Variants in AFAP1L1 observed in about 807,000 individuals in gnomAD.
AFAP1L1 encodes the protein actin filament associated protein 1 like 1.
In AFAP1L1, 77 loss-of-function variants were observed where a neutral mutation model predicts 99.8. The observed-to-expected ratio is 0.77, with a 90% CI of 0.64 to 0.93. AFAP1L1 has a LOEUF of 0.93. AFAP1L1 is among the 40% of genes least tolerant of loss of function. The probability of loss-of-function intolerance (pLI) is 0.00; values close to 1 mark genes in which losing one functional copy is unlikely to be tolerated. For missense variants in AFAP1L1, 893 were observed against 996.8 expected (o/e 0.90, Z 1.40); for synonymous variants, 373 against 395.3 (o/e 0.94, Z 0.67).
intron 1 of AFAP1L1, among the ~76,000 whole-genome samples, chr5:149,296,846 T>A (rs1251059642): frequency 6.6e-6 from 1 of 152,166 alleles, no homozygotes; most frequent in Non-Finnish European, 1.5e-5. Context: ...TGGGGAGGCC[T>A]CAGGAAACTT....
chr5:149,294,258 A>G lies in AFAP1L1; in HGVS notation c.17-5251A>G, dbSNP rs143848205. ...GACTTTCTGGATAGGAGGTCTGGGA[A>G]TGTGCATTTCCAACAATCCCGCTGG... On this transcript the variant is annotated intron_variant, in intron 1 of 18. Coordinates refer to ENST00000296721, the MANE Select transcript of AFAP1L1 (RefSeq NM_152406.4). Among the ~76,000 whole-genome samples the G allele has an allele frequency of 1.5e-3, 236 of 152,262 alleles. 1 individual carries two copies. Among genetic ancestry groups the G allele is most frequent in the African/African-American group, 5.5e-3 (228 of 41,552 alleles).
At position 149,320,335 on chromosome 5, in the gene AFAP1L1, G is replaced by A. The variant is rs1756915676; in HGVS notation, c.1626-56G>A. ...ATGAGAGTGAGGACACGAAAGCACTGTAAGCTGCAAAGCATCATTGTCATT... is the reference window on the plus strand; with the variant it reads ...ATGAGAGTGAGGACACGAAAGCACTATAAGCTGCAAAGCATCATTGTCATT... On this transcript the variant is annotated intron_variant, in intron 13 of 18. Coordinates refer to ENST00000296721, the MANE Select transcript of AFAP1L1 (RefSeq NM_152406.4). The surrounding 1 kb of genome is among the most constrained non-coding windows in gnomAD (Gnocchi z 4.0). 1.3e-6 allele frequency: 2 copies of A among 1,562,172 alleles called. No individual in the cohort carries two copies. Among genetic ancestry groups the A allele is most frequent in the Middle Eastern group, 1.7e-4 (1 of 5,948 alleles).
rs1200039630 is a variant in AFAP1L1 at position 149,320,245 on chromosome 5, A to G, written c.1626-146A>G. The G allele has an allele frequency of 5.4e-6, 4 of 739,486 alleles. No individual in the cohort carries two copies. Among genetic ancestry groups the G allele is most frequent in the Non-Finnish European group, 6.9e-6 (3 of 434,732 alleles). The allele number at this position is 739,486 out of a possible 1,614,324, so 45.8% of individuals were successfully genotyped here. On this transcript the variant is annotated intron_variant, in intron 13 of 18. Coordinates refer to ENST00000296721, the MANE Select transcript of AFAP1L1 (RefSeq NM_152406.4). The surrounding 1 kb of genome is among the most constrained non-coding windows in gnomAD (Gnocchi z 4.0). Reference sequence around the variant, plus strand: ...GACGCCCTAACACAGCCCATGACACAATGCTGCCTGCCATCTTGCTTTTAC... The same window carrying G: ...GACGCCCTAACACAGCCCATGACACGATGCTGCCTGCCATCTTGCTTTTAC...
chr5:149,305,553 C>G (rs1222082805), intron 5 of AFAP1L1, among the ~76,000 whole-genome samples: 1 of 152,184 alleles, frequency 6.6e-6, no homozygotes, highest in Non-Finnish European at 1.5e-5. Context: ...CAGGGGTCTG[C>G]ATTTTCAGAC....
rs115136122 is a variant in AFAP1L1, at chr5:149,278,249, G to A, written c.16+6265G>A. On this transcript the variant is annotated intron_variant, in intron 1 of 18. Transcript: ENST00000296721. ...CAGCATTTTCCTCCTTCCTTTCCTG[G>A]CCAAACTTCTCAAATGGTCAGCAAC... 9.8e-3 allele frequency among the ~76,000 whole-genome samples: 1,484 copies of A among 151,992 alleles called. 23 individuals carry two copies. Among genetic ancestry groups the A allele is most frequent in the African/African-American group, 0.034 (1,407 of 41,434 alleles).
rs146338664 is a variant in AFAP1L1 at position 149,331,780 on chromosome 5, G to A, written c.1976-915G>A. Among the ~76,000 whole-genome samples the A allele has an allele frequency of 1.6e-3, 247 of 152,290 alleles. 1 individual carries two copies. The highest frequency in any genetic ancestry group is 6.8e-3 in the Middle Eastern group (2 of 294). ...TTGGAAAATTGAGCGATCTGGTGTA[G>A]TGGGGTCCAGGGACTTAAATGATGT... On this transcript the variant is annotated intron_variant, in intron 16 of 18. Coordinates refer to ENST00000296721, the MANE Select transcript of AFAP1L1 (RefSeq NM_152406.4).
At chr5:149,333,870 A>G (rs1051738386) in intron 17 of AFAP1L1, among the ~76,000 whole-genome samples, 3 of 152,094 alleles carry the variant, frequency 2.0e-5, no homozygotes, top group African/African-American at 7.2e-5. Context: ...AGCTGCCTCT[A>G]TTATTCTTCC....
In AFAP1L1 at chr5:149,316,274, C is replaced by G. The variant is rs1561678134; in HGVS notation, c.1238C>G (p.Ser413Cys). The G allele has an allele frequency of 1.9e-6, 3 of 1,614,054 alleles. No homozygotes were observed. The highest frequency in any genetic ancestry group is 2.5e-6 in the Non-Finnish European group (3 of 1,179,992). The change falls in exon 11 of 19, where the codon TCC becomes TGC. Residue 413 changes from serine (S) to cysteine (C), a missense_variant. Transcript: ENST00000296721. ...KKTLADDLQTSSTEEEVPCCG... is the reference protein window; with the variant it reads ...KKTLADDLQTCSTEEEVPCCG... ...ACACTGGCCGATGACCTGCAGACGT[C>G]CTCCACCGAGGAGGAGGTTCCCTGC...
At position 149,312,217 on chromosome 5, in the gene AFAP1L1, C is replaced by G. The variant is rs143995508; in HGVS notation, c.1020+13C>G. On this transcript the variant is annotated intron_variant, in intron 9 of 18. Transcript: ENST00000296721. ...GGACCTGGACAAGGTATATCTGTCT[C>G]CACTAAGTCTTCCCCAGGCCAGGCA... 267 of 1,613,266 alleles carry G rather than the reference C, an allele frequency of 1.7e-4. No homozygotes were observed. The African/African-American group carries it at 3.0e-3, about 18-fold the overall frequency.
chr5:149,325,362 C>A (rs1039350584), intron 15 of AFAP1L1, among the ~76,000 whole-genome samples: 2 of 152,208 alleles, frequency 1.3e-5, no homozygotes, highest in African/African-American at 4.8e-5. Context: ...AGTATCTCCC[C>A]AGGAAGGGCA....
At chr5:149,326,722 CA>C (rs1757107856) in intron 15 of AFAP1L1, among the ~76,000 whole-genome samples, 1 of 151,976 alleles carries the variant, frequency 6.6e-6, no homozygotes, top group Non-Finnish European at 1.5e-5. Flanking sequence ...TTGTCAAAAT[CA>C]ATAGAGCAAA....
intron 9 of AFAP1L1, 160 bp downstream of exon 9, chr5:149,312,364 C>A: frequency 2.8e-6 from 2 of 723,138 alleles, no homozygotes; most frequent in Non-Finnish European, 2.5e-6. Flanking sequence ...TAATAAATGT[C>A]TCCTGAATTC....
rs373731671 is a variant in AFAP1L1, at chr5:149,299,657, C to T, written c.145+20C>T. 1.2e-6 allele frequency: 2 copies of T among 1,613,828 alleles called. No homozygotes were observed. The highest frequency in any genetic ancestry group is 1.7e-6 in the Non-Finnish European group (2 of 1,179,888). ...TTCCAGGTTAGCCGCCAGCAGCCTGCCTGGAGGAGCTCCACTTATGTAGGA... is the reference window on the plus strand; with the variant it reads ...TTCCAGGTTAGCCGCCAGCAGCCTGTCTGGAGGAGCTCCACTTATGTAGGA... On this transcript the variant is annotated intron_variant, in intron 2 of 18. Transcript: ENST00000296721.
chr5:149,294,366 A>T (rs1755955518), intron 1 of AFAP1L1, among the ~76,000 whole-genome samples: 1 of 152,194 alleles, frequency 6.6e-6, no homozygotes, highest in Non-Finnish European at 1.5e-5. Context: ...CGACCTCTCC[A>T]ATTTAAATTC....
chr5:149,288,239 C>T (rs1755744627), intron 1 of AFAP1L1, among the ~76,000 whole-genome samples: 1 of 152,154 alleles, frequency 6.6e-6, no homozygotes, highest in East Asian at 1.9e-4. Context: ...GCTAGTGCTG[C>T]GATTGAAAGC....
At chr5:149,321,722 CAAA>C (rs57366142) in intron 14 of AFAP1L1, among the ~76,000 whole-genome samples, 1,618 of 63,694 alleles carry the variant, frequency 0.025, 17 homozygotes, top group East Asian at 0.16. Flanking sequence ...GACTCTGTCT[CAAA>C]AAAAAAAAAA....
In AFAP1L1 at chr5:149,316,247, A is replaced by C. The variant is rs1487180317; in HGVS notation, c.1211A>C (p.Lys404Thr). 4.3e-6 allele frequency: 7 copies of C among 1,613,974 alleles called. No homozygotes were observed. The African/African-American group carries it at 8.0e-5, about 18-fold the overall frequency. The change falls in exon 11 of 19, where the codon AAG becomes ACG. Residue 404 changes from lysine (K) to threonine (T), a missense_variant. By Grantham distance (78) the Lys-to-Thr change is moderately conservative. Coordinates refer to ENST00000296721, the MANE Select transcript of AFAP1L1 (RefSeq NM_152406.4). ...ITRIIGFSKK[K>T]TLADDLQTSS... is the part of the protein sequence containing the mutation. ...CGTATCATTGGCTTCTCCAAGAAGA[A>C]GACACTGGCCGATGACCTGCAGACG... is the stretch of plus-strand genomic sequence containing the variant.
intron 8 of AFAP1L1, 67 bp from the exon 9 acceptor site, chr5:149,312,045 C>A (rs1756645497): frequency 3.5e-6 from 5 of 1,427,480 alleles, no homozygotes; most frequent in Non-Finnish European, 4.9e-6. Flanking sequence ...ACCACACAGT[C>A]CCCATTCTTC....
rs1756794182 is a variant in AFAP1L1 at position 149,316,265 on chromosome 5, T to C, written c.1229T>C (p.Leu410Pro). The C allele has an allele frequency of 6.2e-7, 1 of 1,614,016 alleles. No individual in the cohort carries two copies. The highest frequency in any genetic ancestry group is 1.3e-5 in the African/African-American group (1 of 75,020). Residue 410 changes from leucine (L) to proline (P), a missense_variant, in exon 11 of 19, where the codon CTG (leucine) becomes CCG (proline). Coordinates refer to ENST00000296721, the MANE Select transcript of AFAP1L1 (RefSeq NM_152406.4). ...AAGAAGAAGACACTGGCCGATGACCTGCAGACGTCCTCCACCGAGGAGGAG... is the reference window on the plus strand; with the variant it reads ...AAGAAGAAGACACTGGCCGATGACCCGCAGACGTCCTCCACCGAGGAGGAG... Reference protein sequence around the residue: ...FSKKKTLADDLQTSSTEEEVP... With the variant: ...FSKKKTLADDPQTSSTEEEVP...
Sources: allele counts gnomAD v4.1 joint callset (sites outside exome capture counted in the v4.1 genomes callset), GRCh38; gene constraint gnomAD v4.1.1; non-coding constraint Gnocchi (gnomAD v3.1); transcripts MANE v1.5; gene names NCBI Gene and HGNC (gene_info 2026-07-23, HGNC 2026-07-21).